Variants in SLC1A2 observed in about 807,000 individuals in gnomAD.
SLC1A2 encodes excitatory amino acid transporter 2.
Under a neutral mutation model 48.8 loss-of-function variants are expected in SLC1A2, and 15 were observed. The observed-to-expected ratio is 0.31, with a 90% confidence interval of 0.21 to 0.47. The LOEUF is 0.47. SLC1A2 is among the 20% of genes least tolerant of loss of function. The probability of loss-of-function intolerance (pLI) is 0.99; values close to 1 mark genes in which losing one functional copy is unlikely to be tolerated. For missense variants in SLC1A2, 502 were observed against 730.5 expected (o/e 0.69, Z 3.61); for synonymous variants, 279 against 272.6 (o/e 1.02, Z -0.23).
At chr11:35,357,724 A>T (rs1485425075) in intron 1 of SLC1A2, among the ~76,000 whole-genome samples, 1 of 152,236 alleles carries the variant, frequency 6.6e-6, no homozygotes. Context: ...AAAGCTGAGC[A>T]TAGTCAGGTC....
chr11:35,349,088 C>T (rs986743179), intron 1 of SLC1A2, among the ~76,000 whole-genome samples: 2 of 151,830 alleles, frequency 1.3e-5, no homozygotes, highest in African/African-American at 4.8e-5. Context: ...TGGCAAGGTT[C>T]CAAAACAGGT....
chr11:35,323,803 C>T (rs564326654), intron 1 of SLC1A2, among the ~76,000 whole-genome samples: 10 of 152,306 alleles, frequency 6.6e-5, no homozygotes, highest in Admixed American at 2.0e-4. Flanking sequence ...CTATCTGTTA[C>T]GGAAGCATGT....
intron 4 of SLC1A2, among the ~76,000 whole-genome samples, chr11:35,311,937 T>C (rs7929821): frequency 8.1e-4 from 4 of 4,966 alleles, no homozygotes; most frequent in African/African-American, 1.8e-3. Context: ...GGGGGGGGGG[T>C]GGGGGAGAAA....
chr11:35,377,806 G>A (rs911562), intron 1 of SLC1A2, among the ~76,000 whole-genome samples: 78,105 of 152,110 alleles, frequency 0.51, 20,346 homozygotes, highest in East Asian at 0.73. Context: ...ACCCTGAACA[G>A]AAAGAAACGT....
chr11:35,337,443 A>C (rs779804735), intron 1 of SLC1A2, among the ~76,000 whole-genome samples: 5 of 152,166 alleles, frequency 3.3e-5, no homozygotes, highest in Admixed American at 6.5e-5. Flanking sequence ...GGGAGTTCTC[A>C]TGAGTCATAT....
intron 6 of SLC1A2, among the ~76,000 whole-genome samples, chr11:35,296,229 G>A (rs1184346667): frequency 6.6e-6 from 1 of 152,190 alleles, no homozygotes; most frequent in African/African-American, 2.4e-5. Flanking sequence ...CACTTGGAGT[G>A]GAGGTAAGCT....
rs575282493 is a variant in SLC1A2 at position 35,263,496 on chromosome 11, C to T, written c.1653+2031G>A. On this transcript the variant is annotated intron_variant, in intron 10 of 10. Transcript: ENST00000278379. ...AAAAAAGAAAAAGAAGCAAATTTAT[C>T]CTCAGGTGCTTGATGTCCTTCAAAA... Among the ~76,000 whole-genome samples the T allele has an allele frequency of 5.9e-5, 9 of 152,082 alleles. No homozygotes were observed. The South Asian group carries it at 1.9e-3, about 32-fold the overall frequency.
At chr11:35,284,647 C>T (rs1850754118) in intron 8 of SLC1A2, among the ~76,000 whole-genome samples, 1 of 151,958 alleles carries the variant, frequency 6.6e-6, no homozygotes, top group Non-Finnish European at 1.5e-5. Context: ...ATGGGATATT[C>T]ACTAAATCTT....
intron 3 of SLC1A2, among the ~76,000 whole-genome samples, chr11:35,313,615 T>C (rs567989256): frequency 1.3e-5 from 2 of 152,308 alleles, no homozygotes; most frequent in South Asian, 4.1e-4. Context: ...ACGTGTGACC[T>C]ACTTCTCTTT....
chr11:35,370,023 G>A (rs1854002736), intron 1 of SLC1A2, among the ~76,000 whole-genome samples: 1 of 152,188 alleles, frequency 6.6e-6, no homozygotes, highest in Non-Finnish European at 1.5e-5. Context: ...AGGCAGAACA[G>A]TGTGGGCAAA....
chr11:35,298,181 A>C (rs1038545841), intron 6 of SLC1A2: 9 of 152,352 alleles, frequency 5.9e-5, no homozygotes, highest in African/African-American at 2.2e-4. Flanking sequence ...CATGTAAAAC[A>C]ATTGGAATAA....
chr11:35,395,118 A>T lies in SLC1A2; in HGVS notation c.17+23832T>A, dbSNP rs573820735. ...TGGGCTCTCCCTGAGTAGGGAGGGC[A>T]GTGGGGATCCACTGTGGACAGGAGT... is the stretch of plus-strand genomic sequence containing the variant. On this transcript the variant is annotated intron_variant, in intron 1 of 10. Coordinates refer to ENST00000278379, the MANE Select transcript of SLC1A2 (RefSeq NM_004171.4). Among the ~76,000 whole-genome samples the T allele has an allele frequency of 1.2e-4, 18 of 152,238 alleles. No individual in the cohort carries two copies. In the South Asian group the frequency reaches 3.1e-3, roughly 26 times the overall value.
intron 1 of SLC1A2, among the ~76,000 whole-genome samples, chr11:35,348,111 T>G (rs1853107429): frequency 6.6e-6 from 1 of 152,238 alleles, no homozygotes; most frequent in Non-Finnish European, 1.5e-5. Flanking sequence ...ATCCCCTCAT[T>G]GCTCTGCAGG....
At chr11:35,340,495 C>T (rs1173405463) in intron 1 of SLC1A2, among the ~76,000 whole-genome samples, 2 of 152,232 alleles carry the variant, frequency 1.3e-5, no homozygotes, top group African/African-American at 4.8e-5. Flanking sequence ...GAATCACACA[C>T]ATATTCTGTA....
chr11:35,420,025 G>T (rs1035129155), upstream of SLC1A2: 10 of 426,172 alleles, frequency 2.3e-5, no homozygotes, highest in Non-Finnish European at 4.4e-5. Context: ...GCCCAGCTGC[G>T]CTCCCTCCCC....
chr11:35,326,764 TGGAGACCTTC>T (rs1190354164), intron 1 of SLC1A2, among the ~76,000 whole-genome samples: 2 of 152,216 alleles, frequency 1.3e-5, no homozygotes, highest in African/African-American at 4.8e-5. Flanking sequence ...AAAAGTTCCC[TGGAGACCTTC>T]AAAGTCACCC....
intron 1 of SLC1A2, among the ~76,000 whole-genome samples, chr11:35,353,864 C>T (rs1243068365): frequency 6.6e-6 from 1 of 152,136 alleles, no homozygotes; most frequent in Non-Finnish European, 1.5e-5. Context: ...CAAAGCCTCC[C>T]TTGAAAGGAT....
At chr11:35,321,854 C>T (rs1852080088) in intron 1 of SLC1A2, among the ~76,000 whole-genome samples, 1 of 152,116 alleles carries the variant, frequency 6.6e-6, no homozygotes, top group African/African-American at 2.4e-5. Flanking sequence ...TGTGGCTGTG[C>T]ACACAGAACA....
chr11:35,285,014 A>C (rs1850766111), intron 8 of SLC1A2, among the ~76,000 whole-genome samples: 1 of 152,152 alleles, frequency 6.6e-6, no homozygotes, highest in Non-Finnish European at 1.5e-5. Flanking sequence ...ATTATTACCA[A>C]AGTTTCTAAT....
Sources: gnomAD v4.1 joint callset for allele counts (sites outside exome capture counted in the v4.1 genomes callset) on GRCh38, gnomAD v4.1.1 for gene constraint, MANE v1.5 for transcripts, NCBI Gene and HGNC (gene_info 2026-07-23, HGNC 2026-07-21) for gene names.